The following PRKG1 variants were observed in gnomAD, a reference collection of about 807,000 sequenced individuals.
The protein encoded by PRKG1 is protein kinase cGMP-dependent 1.
A neutral mutation model predicts 88.1 loss-of-function variants in PRKG1; 35 were observed. The ratio of observed to expected loss-of-function variants is 0.40; its 90% CI spans 0.30 to 0.53. PRKG1 has a LOEUF of 0.53. Ranked by LOEUF, PRKG1 falls within the 20% of genes least tolerant of loss-of-function variation. PRKG1 has a pLI of 0.59. For synonymous variants in PRKG1, 303 were observed against 292.5 expected (o/e 1.04, Z -0.37); for missense variants, 540 against 839.8 (o/e 0.64, Z 4.41).
intron 3 of PRKG1, among the ~76,000 whole-genome samples, chr10:51,740,940 A>G (rs1179227184): frequency 6.6e-6 from 1 of 150,724 alleles, no homozygotes. Context: ...AAAAAAAAAA[A>G]GCATCAAGAG....
At chr10:51,945,023 T>G (rs1289813157) in intron 5 of PRKG1, among the ~76,000 whole-genome samples, 2 of 151,212 alleles carry the variant, frequency 1.3e-5, no homozygotes, top group Non-Finnish European at 2.9e-5. Flanking sequence ...TAACTTTCTG[T>G]CTCGTTGATC....
intron 5 of PRKG1, among the ~76,000 whole-genome samples, chr10:52,020,252 C>T (rs1162188369): frequency 6.6e-6 from 1 of 152,058 alleles, no homozygotes; most frequent in East Asian, 1.9e-4. Flanking sequence ...TTAACTGTCT[C>T]TCCAGTAGAT....
intron 2 of PRKG1, among the ~76,000 whole-genome samples, chr10:51,288,143 TA>T (rs1840490399): frequency 1.3e-5 from 2 of 151,914 alleles, no homozygotes; most frequent in African/African-American, 4.8e-5. Context: ...TTTTAATTTT[TA>T]TTTTTTTATT....
intron 1 of PRKG1, among the ~76,000 whole-genome samples, chr10:51,031,606 A>G (rs1843284966): frequency 1.3e-5 from 2 of 152,192 alleles, no homozygotes; most frequent in Non-Finnish European, 2.9e-5. Context: ...TACTGTATAC[A>G]TGCAGTATCT....
intron 5 of PRKG1, among the ~76,000 whole-genome samples, chr10:52,039,087 C>G (rs974898725): frequency 1.3e-5 from 2 of 152,112 alleles, no homozygotes; most frequent in Admixed American, 6.5e-5. Context: ...AGGGAGGTCC[C>G]CCGATCCGAG....
At chr10:51,998,708 T>A (rs1844516996) in intron 5 of PRKG1, among the ~76,000 whole-genome samples, 1 of 152,222 alleles carries the variant, frequency 6.6e-6, no homozygotes, top group Non-Finnish European at 1.5e-5. Context: ...CCCTATAATT[T>A]TTGTATATTT....
At chr10:52,285,132 C>T (rs1842087664) in intron 14 of PRKG1, among the ~76,000 whole-genome samples, 1 of 151,974 alleles carries the variant, frequency 6.6e-6, no homozygotes, top group Non-Finnish European at 1.5e-5. Context: ...ACCCCAGCCC[C>T]CTTCCATGCA....
chr10:52,204,100 A>G (rs201800037), intron 9 of PRKG1, among the ~76,000 whole-genome samples: 3,969 of 127,480 alleles, frequency 0.031, 92 homozygotes, highest in Non-Finnish European at 0.05. Context: ...TATTATTATT[A>G]TTATTATTTT....
chr10:52,024,470 C>G (rs539685372), intron 5 of PRKG1, among the ~76,000 whole-genome samples: 1 of 151,946 alleles, frequency 6.6e-6, no homozygotes, highest in Non-Finnish European at 1.5e-5. Context: ...CTAATGCTAT[C>G]CCTCCCCCAT....
intron 4 of PRKG1, among the ~76,000 whole-genome samples, chr10:51,823,434 G>A (rs1394533492): frequency 6.6e-6 from 1 of 151,928 alleles, no homozygotes; most frequent in Non-Finnish European, 1.5e-5. Context: ...CCCTGGACTA[G>A]CCATTTCAAA....
intron 1 of PRKG1, among the ~76,000 whole-genome samples, chr10:51,037,140 T>C (rs1437473491): frequency 1.3e-5 from 2 of 152,042 alleles, no homozygotes; most frequent in African/African-American, 2.4e-5. Flanking sequence ...TACCAACACC[T>C]GAAGGAGATA....
intron 5 of PRKG1, among the ~76,000 whole-genome samples, chr10:52,027,048 G>C (rs551166254): frequency 2.0e-5 from 3 of 152,328 alleles, no homozygotes; most frequent in East Asian, 3.9e-4. Flanking sequence ...TTTTGTGACT[G>C]TGTCTGCCCA....
At chr10:51,072,423 T>G (rs1843845119), upstream of PRKG1, among the ~76,000 whole-genome samples, 1 of 152,194 alleles carries the variant, frequency 6.6e-6, no homozygotes, top group Non-Finnish European at 1.5e-5. Flanking sequence ...AATAAGAATT[T>G]GGCCTTTTGC....
chr10:51,116,731 A>T (rs1845131591), intron 1 of PRKG1, among the ~76,000 whole-genome samples: 1 of 152,166 alleles, frequency 6.6e-6, no homozygotes, highest in Non-Finnish European at 1.5e-5. Flanking sequence ...TGTAGTTAAT[A>T]GACCAGTGGG....
chr10:51,387,186 TACAGGACA>T (rs1012871837), intron 2 of PRKG1, among the ~76,000 whole-genome samples: 3 of 151,892 alleles, frequency 2.0e-5, no homozygotes, highest in African/African-American at 7.2e-5. Flanking sequence ...ATGAACTGTC[TACAGGACA>T]AGCAGCCCCA....
Position 51,933,419 on chromosome 10 carries a change from G to A in PRKG1, c.762+25849G>A, listed in dbSNP as rs183669212. Among the ~76,000 whole-genome samples, 26 of 151,928 alleles carry A rather than the reference G, an allele frequency of 1.7e-4. No homozygotes were observed. The South Asian group carries it at 2.3e-3, about 13-fold the overall frequency. On this transcript the variant is annotated intron_variant, in intron 5 of 17. Coordinates refer to ENST00000373980, the MANE Select transcript of PRKG1 (RefSeq NM_006258.4). ...AATTTAAATATATTGCATAGGATGC[G>A]CCAACAATCATTTTTATAACCGATA...
At chr10:51,984,957 G>T (rs185803404) in intron 5 of PRKG1, among the ~76,000 whole-genome samples, 111 of 152,212 alleles carry the variant, frequency 7.3e-4, no homozygotes, top group African/African-American at 2.4e-3. Flanking sequence ...GCTTCATGAA[G>T]AGTTAAGTGT....
intron 2 of PRKG1, among the ~76,000 whole-genome samples, chr10:51,322,892 T>C (rs1841492670): frequency 6.6e-6 from 1 of 152,236 alleles, no homozygotes; most frequent in Non-Finnish European, 1.5e-5. Context: ...TTACTGTTAT[T>C]TTAATGTTCA....
chr10:51,586,396 T>G (rs7907425), intron 3 of PRKG1, among the ~76,000 whole-genome samples: 10,512 of 152,188 alleles, frequency 0.069, 1,193 homozygotes, highest in African/African-American at 0.24. Flanking sequence ...GGTGGAATGA[T>G]GATAAAAGGA....
Sources: gnomAD v4.1 joint callset for allele counts (sites outside exome capture counted in the v4.1 genomes callset) on GRCh38, gnomAD v4.1.1 for gene constraint, MANE v1.5 for transcripts, NCBI Gene and HGNC (gene_info 2026-07-23, HGNC 2026-07-21) for gene names.